Variants in ADAMTS9 observed in about 807,000 individuals in gnomAD.
ADAMTS9 encodes A disintegrin and metalloproteinase with thrombospondin motifs 9.
In ADAMTS9, 107 loss-of-function variants were observed where a neutral mutation model predicts 257.1. The observed-to-expected ratio is 0.42, with a 90% CI of 0.36 to 0.49. The LOEUF (loss-of-function observed/expected upper bound fraction) is 0.49. ADAMTS9 is among the 20% of genes least tolerant of loss of function. The pLI is 0.03. For synonymous variants in ADAMTS9, 982 were observed against 880.9 expected, an observed-to-expected ratio of 1.11 and a Z score of -2.03; for missense variants, 2,353 against 2,469.1, an observed-to-expected ratio of 0.95 and a Z score of 1.00.
intron 28 of ADAMTS9, chr3:64,582,430 A>T (rs186096394): frequency 1.4e-3 from 220 of 152,340 alleles, no homozygotes; most frequent in African/African-American, 5.0e-3. Flanking sequence ...TGATTTTATA[A>T]CCTCAGACTT....
chr3:64,608,469 G>C (rs1030319767), intron 22 of ADAMTS9, among the ~76,000 whole-genome samples: 1 of 151,878 alleles, frequency 6.6e-6, no homozygotes, highest in East Asian at 1.9e-4. Context: ...AAATGAAGGA[G>C]GGAACATGTC....
At chr3:64,561,496 G>T in intron 30 of ADAMTS9, 82 bp downstream of exon 30, 2 of 1,467,952 alleles carry the variant, frequency 1.4e-6, no homozygotes, top group Non-Finnish European at 1.8e-6. Flanking sequence ...GACTTCTCTG[G>T]CTTTATAGGG....
At chr3:64,655,230 T>C (rs1406154229) in intron 6 of ADAMTS9, among the ~76,000 whole-genome samples, 1 of 152,190 alleles carries the variant, frequency 6.6e-6, no homozygotes, top group Non-Finnish European at 1.5e-5. Context: ...ATATAAGGCA[T>C]GTATTTTCAG....
At chr3:64,668,321 T>A (rs1341896583) in intron 3 of ADAMTS9, among the ~76,000 whole-genome samples, 1 of 152,200 alleles carries the variant, frequency 6.6e-6, no homozygotes, top group African/African-American at 2.4e-5. Context: ...AAATATTATT[T>A]CAACATGTGA....
At chr3:64,654,972 G>C (rs1701025311) in intron 6 of ADAMTS9, among the ~76,000 whole-genome samples, 1 of 152,178 alleles carries the variant, frequency 6.6e-6, no homozygotes. Flanking sequence ...TTTCATTTAA[G>C]AGGACGTGCT....
chr3:64,536,581 C>T (rs1350323408), intron 37 of ADAMTS9, among the ~76,000 whole-genome samples: 2 of 152,172 alleles, frequency 1.3e-5, no homozygotes, highest in Non-Finnish European at 2.9e-5. Context: ...TGAATTCAGA[C>T]ACACTTAGGT....
intron 26 of ADAMTS9, 117 bp downstream of exon 26, chr3:64,601,827 G>A (rs1366183316): frequency 2.4e-6 from 3 of 1,244,838 alleles, no homozygotes; most frequent in Non-Finnish European, 3.3e-6. Flanking sequence ...AAATGAAAAT[G>A]CACAATGTCA....
chr3:64,634,900 G>A (rs1372202877), intron 12 of ADAMTS9, among the ~76,000 whole-genome samples: 4 of 152,172 alleles, frequency 2.6e-5, no homozygotes, highest in African/African-American at 9.7e-5. Context: ...CCCTGCTCAC[G>A]AAATATAGAA....
intron 28 of ADAMTS9, among the ~76,000 whole-genome samples, chr3:64,578,289 TAA>T (rs59527905): frequency 6.5e-4 from 92 of 142,226 alleles, no homozygotes; most frequent in East Asian, 1.6e-3. Context: ...TTCCTTTGGT[TAA>T]AAAAAAAAAA....
chr3:64,542,144 GT>G (rs2106912859), intron 32 of ADAMTS9, among the ~76,000 whole-genome samples, 174 bp from the exon 33 acceptor site: 1 of 152,232 alleles, frequency 6.6e-6, no homozygotes, highest in South Asian at 2.1e-4. Context: ...GCCAGTCCCT[GT>G]GGTAAGCTTT....
chr3:64,651,666 T>C (rs759982074), intron 8 of ADAMTS9, among the ~76,000 whole-genome samples: 1 of 152,210 alleles, frequency 6.6e-6, no homozygotes, highest in Non-Finnish European at 1.5e-5. Flanking sequence ...TGACAAATTA[T>C]ATACCTGCGT....
chr3:64,532,562 T>G (rs1033510048), intron 38 of ADAMTS9, among the ~76,000 whole-genome samples: 3 of 152,160 alleles, frequency 2.0e-5, no homozygotes, highest in African/African-American at 7.2e-5. Flanking sequence ...TGAGACACTG[T>G]TCAGCTGTAG....
At position 64,622,189 on chromosome 3, in the gene ADAMTS9, A is replaced by C; in HGVS notation, c.2686+9T>G. On this transcript the variant is annotated intron_variant, in intron 18 of 39. Transcript: ENST00000498707. ...TCAAATCCCCAGAACTCAAATTCAA[A>C]GCAGATACCTTGGCAGGGTTTACTG... 1 of 1,598,390 alleles carries C rather than the reference A, an allele frequency of 6.3e-7. No homozygotes were observed. The highest frequency in any genetic ancestry group is 8.5e-7 in the Non-Finnish European group (1 of 1,172,554).
At chr3:64,635,546 A>C (rs961820369) in intron 12 of ADAMTS9, among the ~76,000 whole-genome samples, 1 of 152,182 alleles carries the variant, frequency 6.6e-6, no homozygotes, top group Non-Finnish European at 1.5e-5. Flanking sequence ...TATCTGCACT[A>C]TTCATTCAAA....
At chr3:64,517,452 G>A (rs1293388971) in intron 39 of ADAMTS9, among the ~76,000 whole-genome samples, 2 of 26,806 alleles carry the variant, frequency 7.5e-5, no homozygotes, top group Non-Finnish European at 3.0e-4. Flanking sequence ...AGAAATGGGA[G>A]TCTCACTATG....
At chr3:64,685,241 C>G (rs1318852427) in intron 2 of ADAMTS9, 1 of 152,446 alleles carries the variant, frequency 6.6e-6, no homozygotes, top group Non-Finnish European at 1.5e-5. Context: ...CGCTCTCCAC[C>G]CGATCCTTCC....
At chr3:64,584,337 C>T (rs770943684) in intron 28 of ADAMTS9, among the ~76,000 whole-genome samples, 3 of 151,972 alleles carry the variant, frequency 2.0e-5, no homozygotes, top group Non-Finnish European at 2.9e-5. Flanking sequence ...TTCTCAGAGG[C>T]CTTTCAGTTT....
intron 28 of ADAMTS9, among the ~76,000 whole-genome samples, chr3:64,591,234 G>C (rs2084252823): frequency 1.3e-5 from 2 of 152,126 alleles, no homozygotes; most frequent in Admixed American, 1.3e-4. Flanking sequence ...GAAGTCATGA[G>C]TTTGAAACCA....
intron 27 of ADAMTS9, among the ~76,000 whole-genome samples, 165 bp from the exon 28 acceptor site, chr3:64,594,599 C>G (rs1283237124): frequency 6.6e-6 from 1 of 152,098 alleles, no homozygotes; most frequent in Non-Finnish European, 1.5e-5. Context: ...TAAAACAGAC[C>G]AAGACTCTCC....
Sources: gnomAD v4.1 joint callset for allele counts (sites outside exome capture counted in the v4.1 genomes callset) on GRCh38, gnomAD v4.1.1 for gene constraint, MANE v1.5 for transcripts, NCBI Gene and HGNC (gene_info 2026-07-23, HGNC 2026-07-21) for gene names.